The following SPTLC3 variants were observed in gnomAD, a reference collection of about 807,000 sequenced individuals.
The protein encoded by SPTLC3 is serine palmitoyltransferase 3.
In SPTLC3, 36 loss-of-function variants were observed where a neutral mutation model predicts 59.3. The ratio of observed to expected loss-of-function variants is 0.61; its 90% CI spans 0.47 to 0.80. SPTLC3 has a LOEUF of 0.80. SPTLC3 is among the 30% of genes least tolerant of loss of function. SPTLC3 has a pLI of 0.00. For missense variants in SPTLC3, 625 were observed against 685.1 expected, an observed-to-expected ratio of 0.91 and a Z score of 0.98; for synonymous variants, 257 against 240.8, an observed-to-expected ratio of 1.07 and a Z score of -0.62.
chr20:13,092,201 G>A (rs1181834970), intron 5 of SPTLC3, among the ~76,000 whole-genome samples: 1 of 152,206 alleles, frequency 6.6e-6, no homozygotes, highest in Non-Finnish European at 1.5e-5. Context: ...CATAGGTTTG[G>A]AGGAACTAGA....
At chr20:13,020,256 A>G (rs1432779348) in intron 1 of SPTLC3, among the ~76,000 whole-genome samples, 1 of 152,070 alleles carries the variant, frequency 6.6e-6, no homozygotes, top group East Asian at 1.9e-4. Flanking sequence ...TCATGCCTAT[A>G]GTTCTAAAGC....
intron 10 of SPTLC3, among the ~76,000 whole-genome samples, chr20:13,155,718 C>A (rs948258598): frequency 6.6e-6 from 1 of 151,854 alleles, no homozygotes; most frequent in Non-Finnish European, 1.5e-5. Flanking sequence ...CCCAGCTACT[C>A]GGGAGGCTGA....
At chr20:13,012,232 G>T (rs1249547852) in intron 1 of SPTLC3, among the ~76,000 whole-genome samples, 3 of 152,086 alleles carry the variant, frequency 2.0e-5, no homozygotes, top group Admixed American at 6.5e-5. Flanking sequence ...AAAAAAAATT[G>T]TAAAGTTTTC....
chr20:13,089,969 G>C (rs1989158358), intron 4 of SPTLC3, among the ~76,000 whole-genome samples: 1 of 152,094 alleles, frequency 6.6e-6, no homozygotes, highest in Non-Finnish European at 1.5e-5. Flanking sequence ...GTGAAATGCA[G>C]TTTACTATGC....
At chr20:13,121,864 C>G (rs2037874902) in intron 8 of SPTLC3, among the ~76,000 whole-genome samples, 3 of 152,164 alleles carry the variant, frequency 2.0e-5, no homozygotes, top group Non-Finnish European at 4.4e-5. Flanking sequence ...TTAAAAAGAA[C>G]CAGTGCTGCA....
chr20:13,157,711 A>G (rs201905186), intron 10 of SPTLC3, among the ~76,000 whole-genome samples: 2 of 152,172 alleles, frequency 1.3e-5, no homozygotes, highest in East Asian at 3.8e-4. Context: ...CAGGTTAGTT[A>G]CAAAAGGTAA....
At chr20:13,118,280 T>C (rs1241025231) in intron 8 of SPTLC3, among the ~76,000 whole-genome samples, 1 of 151,910 alleles carries the variant, frequency 6.6e-6, no homozygotes, top group African/African-American at 2.4e-5. Flanking sequence ...TTAAGAAATA[T>C]TCTCTGCAAA....
chr20:13,117,462 A>C (rs1347245482), intron 7 of SPTLC3, 44 bp from the exon 8 acceptor site: 2 of 1,514,838 alleles, frequency 1.3e-6, no homozygotes, highest in Non-Finnish European at 1.8e-6. Context: ...AGAGCTTCCC[A>C]GGAGGGTATT....
intron 4 of SPTLC3, chr20:13,079,802 GC>G: frequency 2.1e-6 from 1 of 468,644 alleles, no homozygotes; most frequent in South Asian, 1.6e-5. Context: ...GGTCTTGCAA[GC>G]TGACTCAGTG....
chr20:13,127,627 C>A (rs1233181319), intron 9 of SPTLC3, among the ~76,000 whole-genome samples: 1 of 152,156 alleles, frequency 6.6e-6, no homozygotes, highest in Non-Finnish European at 1.5e-5. Context: ...CAGATAAGAA[C>A]AAGGCTGATC....
intron 6 of SPTLC3, among the ~76,000 whole-genome samples, chr20:13,101,422 C>A (rs917499929): frequency 2.6e-5 from 4 of 152,186 alleles, no homozygotes; most frequent in Non-Finnish European, 5.9e-5. Flanking sequence ...GCTAATGGAG[C>A]CCTATCCTGT....
At chr20:13,162,863 CTGTCACTAAGA>C (rs2038920612) in intron 11 of SPTLC3, among the ~76,000 whole-genome samples, 1 of 152,164 alleles carries the variant, frequency 6.6e-6, no homozygotes, top group Admixed American at 6.5e-5. Context: ...TCCCATCTTC[CTGTCACTAAGA>C]TGCCCACGGT....
At chr20:13,090,990 T>A in intron 4 of SPTLC3, 93 bp from the exon 5 acceptor site, 3 of 1,523,460 alleles carry the variant, frequency 2.0e-6, no homozygotes, top group South Asian at 1.3e-5. Context: ...CTTGTATAGG[T>A]CTTTTGGTGA....
intron 2 of SPTLC3, among the ~76,000 whole-genome samples, chr20:13,058,962 C>G (rs1195150999): frequency 6.6e-6 from 1 of 152,122 alleles, no homozygotes; most frequent in Non-Finnish European, 1.5e-5. Flanking sequence ...AAAGAACCAA[C>G]CGTCAACACA....
intron 2 of SPTLC3, among the ~76,000 whole-genome samples, chr20:13,061,568 T>C (rs1987976545): frequency 6.6e-6 from 1 of 152,116 alleles, no homozygotes; most frequent in African/African-American, 2.4e-5. Context: ...CCAAACCTGT[T>C]CTTTTCACAA....
intron 1 of SPTLC3, among the ~76,000 whole-genome samples, chr20:13,026,975 T>A (rs1986179188): frequency 6.6e-6 from 1 of 152,182 alleles, no homozygotes; most frequent in African/African-American, 2.4e-5. Flanking sequence ...AGCAGCCTCA[T>A]CCTTCGGGAA....
At chr20:13,034,082 C>A (rs1986624180) in intron 1 of SPTLC3, among the ~76,000 whole-genome samples, 1 of 152,106 alleles carries the variant, frequency 6.6e-6, no homozygotes, top group African/African-American at 2.4e-5. Context: ...GGTGGAACAT[C>A]AGAGATCAGG....
chr20:13,071,802 CAGCT>C (rs1385920260), intron 2 of SPTLC3, among the ~76,000 whole-genome samples: 2 of 152,186 alleles, frequency 1.3e-5, no homozygotes, highest in African/African-American at 4.8e-5. Context: ...GGCCATGTAA[CAGCT>C]AGCCACCCTC....
chr20:13,120,970 A>G (rs1340527138), intron 8 of SPTLC3, among the ~76,000 whole-genome samples: 2 of 152,220 alleles, frequency 1.3e-5, no homozygotes, highest in African/African-American at 4.8e-5. Flanking sequence ...GAAATTCCAG[A>G]TCACTACTTC....
Sources: allele counts gnomAD v4.1 joint callset (sites outside exome capture counted in the v4.1 genomes callset), GRCh38; gene constraint gnomAD v4.1.1; transcripts MANE v1.5; gene names NCBI Gene and HGNC (gene_info 2026-07-23, HGNC 2026-07-21).